Variants in IQSEC1 observed in about 807,000 individuals in gnomAD.
IQSEC1 encodes IQ motif and SEC7 domain-containing protein 1.
IQSEC1 carries 31 observed loss-of-function variants against 91.0 expected under a neutral mutation model. That is an observed-to-expected ratio of 0.34 (90% CI 0.26 to 0.46). IQSEC1 has a LOEUF of 0.46. IQSEC1 is among the 20% of genes least tolerant of loss of function. IQSEC1 has a pLI of 1.00. For synonymous variants in IQSEC1, 699 were observed against 662.6 expected (o/e 1.05, Z -0.84); for missense variants, 1,388 against 1,575.6 (o/e 0.88, Z 2.02).
At chr3:13,281,767 C>A (rs988914785) in intron 1 of IQSEC1, among the ~76,000 whole-genome samples, 1 of 152,240 alleles carries the variant, frequency 6.6e-6, no homozygotes, top group African/African-American at 2.4e-5. Context: ...CTGACCACGG[C>A]CACTCCCCCA....
upstream of IQSEC1, among the ~76,000 whole-genome samples, chr3:13,074,642 G>A (rs1422256239): frequency 1.3e-5 from 2 of 152,224 alleles, no homozygotes; most frequent in Non-Finnish European, 2.9e-5. Context: ...TAGCTGGCGG[G>A]CAGTCTGGCT....
chr3:13,255,020 G>A (rs1695262306), intron 1 of IQSEC1, among the ~76,000 whole-genome samples: 1 of 152,246 alleles, frequency 6.6e-6, no homozygotes, highest in South Asian at 2.1e-4. Context: ...CAGAGCGGAC[G>A]CACTGGCAGG....
At chr3:13,149,348 CCA>C (rs1430274523) in intron 2 of IQSEC1, among the ~76,000 whole-genome samples, 6 of 152,048 alleles carry the variant, frequency 3.9e-5, no homozygotes, top group Non-Finnish European at 8.8e-5. Context: ...GACCTCCTCC[CCA>C]CAGACAGGCT....
At chr3:13,110,311 C>T (rs1008122713) in intron 2 of IQSEC1, among the ~76,000 whole-genome samples, 2 of 152,004 alleles carry the variant, frequency 1.3e-5, no homozygotes, top group African/African-American at 4.8e-5. Context: ...AGAAACCCGG[C>T]CGGGCGCGGT....
intron 2 of IQSEC1, among the ~76,000 whole-genome samples, chr3:13,137,825 C>T (rs1377042398): frequency 6.6e-6 from 1 of 151,946 alleles, no homozygotes; most frequent in African/African-American, 2.4e-5. Context: ...ATGGTGAGAC[C>T]CATCTCTAAA....
At chr3:13,040,646 C>G (rs1398657130) in intron 1 of IQSEC1, among the ~76,000 whole-genome samples, 1 of 152,244 alleles carries the variant, frequency 6.6e-6, no homozygotes, top group Admixed American at 6.5e-5. Flanking sequence ...CGGTCCTGAG[C>G]CCCAGCCCCT....
rs562300395 is a variant in IQSEC1, at chr3:12,935,035, C to A, written c.1568+413G>T. ...GTCTCGCCTGTCTGCCCCTGCCCCC[C>A]ACTGACACAACCGGTCATACCCCTG... is the stretch of plus-strand genomic sequence containing the variant. On this transcript the variant is annotated intron_variant, in intron 3 of 13. Coordinates refer to ENST00000613206, the MANE Select transcript of IQSEC1 (RefSeq NM_001134382.3). This position sits in a 1 kb window ranked among gnomAD's most constrained non-coding sequence, Gnocchi z 8.0. Among the ~76,000 whole-genome samples, 5 of 151,880 alleles carry A rather than the reference C, an allele frequency of 3.3e-5. No homozygotes were observed. Among genetic ancestry groups the A allele is most frequent in the South Asian group, 4.2e-4 (2 of 4,786 alleles).
chr3:13,260,696 C>A (rs1475556718), intron 1 of IQSEC1, among the ~76,000 whole-genome samples: 1 of 152,222 alleles, frequency 6.6e-6, no homozygotes, highest in Non-Finnish European at 1.5e-5. Context: ...GGACTGAGGA[C>A]ACAGAGACCA....
intron 1 of IQSEC1, among the ~76,000 whole-genome samples, chr3:12,955,691 G>C (rs868037806): frequency 7.2e-5 from 11 of 152,360 alleles, no homozygotes; most frequent in African/African-American, 2.6e-4. Flanking sequence ...AGCCTTTAAA[G>C]AGAGGGGCTG....
intron 2 of IQSEC1, among the ~76,000 whole-genome samples, chr3:13,110,317 G>A (rs758724973): frequency 2.6e-5 from 4 of 151,972 alleles, no homozygotes; most frequent in African/African-American, 4.8e-5. Flanking sequence ...CCGGCCGGGC[G>A]CGGTGGCTCA....
chr3:13,108,889 C>T (rs1460492840), intron 2 of IQSEC1, among the ~76,000 whole-genome samples: 3 of 152,224 alleles, frequency 2.0e-5, no homozygotes, highest in Non-Finnish European at 4.4e-5. Flanking sequence ...GGGGGACCTG[C>T]AGGTCATGGC....
At chr3:13,235,550 G>T (rs889564023) in intron 1 of IQSEC1, among the ~76,000 whole-genome samples, 6 of 152,110 alleles carry the variant, frequency 3.9e-5, no homozygotes, top group Non-Finnish European at 7.4e-5. Context: ...TTGCCCAGAG[G>T]TGCCCCTCTG....
At chr3:12,936,798 G>A in intron 2 of IQSEC1, 101 bp from the exon 3 acceptor site, 1 of 1,214,608 alleles carries the variant, frequency 8.2e-7, no homozygotes, top group Non-Finnish European at 1.1e-6. Context: ...TGTGCGACCT[G>A]GGAAGGTCCC....
At chr3:13,236,730 C>G (rs991641927) in intron 1 of IQSEC1, among the ~76,000 whole-genome samples, 3 of 152,234 alleles carry the variant, frequency 2.0e-5, no homozygotes, top group African/African-American at 4.8e-5. Flanking sequence ...GGCTGGGACA[C>G]AGAGGGAAGG....
In IQSEC1 at chr3:12,909,545, T is replaced by G; in HGVS notation, c.2417-111A>C. 1 of 1,124,422 alleles carries G rather than the reference T, an allele frequency of 8.9e-7. No individual in the cohort carries two copies. The highest frequency in any genetic ancestry group is 1.5e-5 in the South Asian group (1 of 66,822). 69.7% of individuals were successfully genotyped at this position (1,124,422 alleles called of 1,614,324 possible). Reference sequence around the variant, plus strand: ...GGCTGAGTTGTGCGTGAGCCTGGGATAAGTGCCGGGAGTCCAGCCTCCGCA... The same window carrying G: ...GGCTGAGTTGTGCGTGAGCCTGGGAGAAGTGCCGGGAGTCCAGCCTCCGCA... On this transcript the variant is annotated intron_variant, in intron 10 of 13. Coordinates refer to ENST00000613206, the MANE Select transcript of IQSEC1 (RefSeq NM_001134382.3). The surrounding 1 kb of genome is among the most constrained non-coding windows in gnomAD (Gnocchi z 4.9).
rs1693968192 is a variant in IQSEC1 at position 12,899,258 on chromosome 3, C to G, written c.*1725G>C. On this transcript the variant is annotated 3_prime_UTR_variant, in exon 14 of 14. Transcript: ENST00000613206. ...GGGGGCTCCCCTCTCCTCCTGCCGTCCGGCCACGGCTCACCACGCTGTCCA... is the reference window on the plus strand; with the variant it reads ...GGGGGCTCCCCTCTCCTCCTGCCGTGCGGCCACGGCTCACCACGCTGTCCA... The G allele has an allele frequency of 9.9e-7, 1 of 1,011,194 alleles. No homozygotes were observed. The highest frequency in any genetic ancestry group is 2.7e-5 in the East Asian group (1 of 37,534). The allele number at this position is 1,011,194 out of a possible 1,614,324, so 62.6% of individuals were successfully genotyped here. A position where few individuals can be genotyped will look rare whatever the true frequency, so the allele number is the denominator to read the frequency against.
At chr3:12,938,280 C>T (rs778967075) in intron 2 of IQSEC1, among the ~76,000 whole-genome samples, 27 of 152,182 alleles carry the variant, frequency 1.8e-4, no homozygotes, top group African/African-American at 2.4e-4. Context: ...CCTCGAGGAG[C>T]GAGGGGTCTG....
rs1283076461 is a variant in IQSEC1, at chr3:13,207,604, G to A, written c.273-43471C>T. Among the ~76,000 whole-genome samples the A allele has an allele frequency of 1.3e-5, 2 of 152,170 alleles. No homozygotes were observed. The highest frequency in any genetic ancestry group is 3.9e-4 in the East Asian group (2 of 5,178). The stretch of plus-strand genomic sequence containing the variant: ...TTGGCATCATCTGGGTCTGTCTCCT[G>A]CCCCAGCCTCTGCCCTGGCCTCCCT... On this transcript the variant is annotated intron_variant, in intron 1 of 15. Transcript: ENST00000648114. This position sits in a 1 kb window ranked among gnomAD's most constrained non-coding sequence, Gnocchi z 4.8.
At chr3:13,197,982 C>T (rs867314036) in intron 1 of IQSEC1, among the ~76,000 whole-genome samples, 2 of 152,200 alleles carry the variant, frequency 1.3e-5, no homozygotes, top group Admixed American at 1.3e-4. Context: ...CCCGGCCTCC[C>T]GAGGCCTCTC....
Sources: gnomAD v4.1 joint callset for allele counts (sites outside exome capture counted in the v4.1 genomes callset) on GRCh38, gnomAD v4.1.1 for gene constraint, Gnocchi (gnomAD v3.1) non-coding constraint, MANE v1.5 for transcripts, NCBI Gene and HGNC (gene_info 2026-07-23, HGNC 2026-07-21) for gene names.